The following SLC14A2 variants were observed in gnomAD, a reference collection of about 807,000 sequenced individuals.
The protein encoded by SLC14A2 is urea transporter 2.
A neutral mutation model predicts 104.6 loss-of-function variants in SLC14A2; 91 were observed. The ratio of observed to expected loss-of-function variants is 0.87; its 90% confidence interval spans 0.73 to 1.04. The LOEUF (loss-of-function observed/expected upper bound fraction) is 1.04. Among genes scored for constraint, SLC14A2 ranks in the 50% least tolerant of loss-of-function variants. The pLI, the probability that SLC14A2 is intolerant of heterozygous loss-of-function variation, is 0.00. For missense variants in SLC14A2, 1,189 were observed against 1,156.0 expected (o/e 1.03, Z -0.41); for synonymous variants, 476 against 466.4 (o/e 1.02, Z -0.27).
rs1245970500 is a variant in SLC14A2, at chr18:45,213,586, G to A, written c.-125+395G>A. 3.9e-5 allele frequency among the ~76,000 whole-genome samples: 6 copies of A among 152,290 alleles called. No homozygotes were observed. In the South Asian group the frequency reaches 6.2e-4, roughly 16 times the overall value. On this transcript the variant is annotated intron_variant, in intron 1 of 20. Coordinates refer to the SLC14A2 transcript ENST00000586448. ...TCTGTCTATATAGCTAATTAGTTTT[G>A]TAAGTTCTTTATCCCATTCAAAACG...
At position 45,678,973 on chromosome 18, in the gene SLC14A2, A is replaced by G; in HGVS notation, c.2513-2A>G. On this transcript the variant is annotated splice_acceptor_variant, in intron 18 of 19. Coordinates refer to ENST00000255226, the MANE Select transcript of SLC14A2 (RefSeq NM_007163.4). LOFTEE classifies it high-confidence loss of function. Reference sequence around the variant, plus strand: ...TTCTTTCTTTTTTTTTTTTTTTTCTAGCACTGTTTGCTGCCTACCTGGGTG... The same window carrying G: ...TTCTTTCTTTTTTTTTTTTTTTTCTGGCACTGTTTGCTGCCTACCTGGGTG... 1 of 1,339,120 alleles carries G rather than the reference A, an allele frequency of 7.5e-7. No homozygotes were observed. Among genetic ancestry groups the G allele is most frequent in the Non-Finnish European group, 9.8e-7 (1 of 1,021,554 alleles). 83.0% of individuals were successfully genotyped at this position (1,339,120 alleles called of 1,614,324 possible). A position where few individuals can be genotyped will look rare whatever the true frequency, so the allele number is the denominator to read the frequency against.
intron 1 of SLC14A2, among the ~76,000 whole-genome samples, chr18:45,298,954 T>TTG: frequency 6.6e-6 from 1 of 152,256 alleles, no homozygotes; most frequent in East Asian, 1.9e-4. Flanking sequence ...GACCCATTGG[T>TTG]TGAAAAGCCA....
At chr18:45,431,150 G>A (rs1392382947) in intron 1 of SLC14A2, among the ~76,000 whole-genome samples, 2 of 152,202 alleles carry the variant, frequency 1.3e-5, no homozygotes, top group Admixed American at 1.3e-4. Flanking sequence ...TAGGTAGAGG[G>A]AATAGTTCTC....
At chr18:45,293,272 A>G (rs74541806) in intron 1 of SLC14A2, among the ~76,000 whole-genome samples, 4,935 of 152,248 alleles carry the variant, frequency 0.032, 257 homozygotes, top group African/African-American at 0.11. Context: ...TATTTCATTC[A>G]TTCATTCATT....
At chr18:45,283,505 T>A (rs1178542442) in intron 1 of SLC14A2, among the ~76,000 whole-genome samples, 2 of 151,692 alleles carry the variant, frequency 1.3e-5, no homozygotes, top group Non-Finnish European at 1.5e-5. Context: ...AACTAATATA[T>A]CATCATCCAA....
chr18:45,269,294 A>G (rs2084626068), intron 1 of SLC14A2, among the ~76,000 whole-genome samples: 1 of 152,030 alleles, frequency 6.6e-6, no homozygotes, highest in Non-Finnish European at 1.5e-5. Flanking sequence ...TTTTAAAGTG[A>G]GTATATGCCA....
intron 2 of SLC14A2, among the ~76,000 whole-genome samples, chr18:45,510,216 A>G (rs906888457): frequency 1.3e-5 from 2 of 152,148 alleles, no homozygotes; most frequent in Non-Finnish European, 2.9e-5. Context: ...TTATTCTCAC[A>G]CTTAAATGTG....
chr18:45,598,694 TG>T (rs2044747277), intron 2 of SLC14A2, among the ~76,000 whole-genome samples: 1 of 152,076 alleles, frequency 6.6e-6, no homozygotes, highest in Non-Finnish European at 1.5e-5. Flanking sequence ...GGAAAAGAGG[TG>T]GGTCTGCATT....
intron 1 of SLC14A2, among the ~76,000 whole-genome samples, chr18:45,414,757 A>AAAAAAAAATATATATATATAT (rs1360051908): frequency 1.3e-5 from 1 of 76,110 alleles, no homozygotes; most frequent in Non-Finnish European, 2.2e-5. Flanking sequence ...AAAAAAAAAA[A>AAAAAAAAATATATATATATAT]ATATATATAT....
At chr18:45,438,514 A>C (rs1281640957) in intron 1 of SLC14A2, among the ~76,000 whole-genome samples, 1 of 151,872 alleles carries the variant, frequency 6.6e-6, no homozygotes, top group East Asian at 1.9e-4. Flanking sequence ...AAAGAGCAAA[A>C]GTGAGAGCAA....
At chr18:45,672,570 A>G (rs2046159221) in intron 16 of SLC14A2, among the ~76,000 whole-genome samples, 1 of 152,120 alleles carries the variant, frequency 6.6e-6, no homozygotes. Context: ...TTAAACCCCA[A>G]CTTTGATCAG....
chr18:45,391,334 A>T (rs2085960620), intron 1 of SLC14A2, among the ~76,000 whole-genome samples: 2 of 152,214 alleles, frequency 1.3e-5, no homozygotes, highest in Admixed American at 6.5e-5. Context: ...ATTGTTGGAC[A>T]TTTGGCTTAG....
intron 1 of SLC14A2, among the ~76,000 whole-genome samples, chr18:45,478,991 G>C (rs1438171139): frequency 6.6e-6 from 1 of 152,172 alleles, no homozygotes; most frequent in African/African-American, 2.4e-5. Flanking sequence ...TGTTGGTTCT[G>C]CCCTCTTTGG....
Position 45,227,316 on chromosome 18 carries a change from A to G in SLC14A2, c.-125+14125A>G, listed in dbSNP as rs1239287294. Among the ~76,000 whole-genome samples, 8 of 152,186 alleles carry G rather than the reference A, an allele frequency of 5.3e-5. No individual in the cohort carries two copies. In the East Asian group the frequency reaches 5.8e-4, roughly 11 times the overall value. On this transcript the variant is annotated intron_variant, in intron 1 of 20. Coordinates refer to the SLC14A2 transcript ENST00000586448. ...TGGTCAAAAAGAAGGACAAAATGCT[A>G]AAGGAGAAAGTTGCAAGAATGATGA...
chr18:45,248,173 G>A (rs58087098), intron 1 of SLC14A2, among the ~76,000 whole-genome samples: 6,173 of 152,152 alleles, frequency 0.041, 387 homozygotes, highest in African/African-American at 0.13. Flanking sequence ...GAAATGTAGG[G>A]AGGTGGCAAA....
upstream of SLC14A2, among the ~76,000 whole-genome samples, chr18:45,208,605 T>C (rs1379063136): frequency 2.0e-5 from 3 of 152,138 alleles, no homozygotes; most frequent in African/African-American, 7.2e-5. Flanking sequence ...AGAGTAAGCC[T>C]CGTTAGTTAA....
intron 1 of SLC14A2, among the ~76,000 whole-genome samples, chr18:45,319,827 T>C (rs2085167210): frequency 6.6e-6 from 1 of 152,206 alleles, no homozygotes; most frequent in Non-Finnish European, 1.5e-5. Context: ...CAGTAGGGTA[T>C]ATTATTGTTT....
intron 2 of SLC14A2, among the ~76,000 whole-genome samples, chr18:45,581,082 C>T (rs928191870): frequency 6.6e-6 from 1 of 152,142 alleles, no homozygotes; most frequent in African/African-American, 2.4e-5. Context: ...GCATTTCCTG[C>T]TTTCTCCATG....
chr18:45,292,568 G>A (rs2084880414), intron 1 of SLC14A2, among the ~76,000 whole-genome samples: 1 of 152,134 alleles, frequency 6.6e-6, no homozygotes, highest in Admixed American at 6.5e-5. Flanking sequence ...GGGTTGTGGG[G>A]GCAGTTGTAC....
Sources: allele counts gnomAD v4.1 joint callset (sites outside exome capture counted in the v4.1 genomes callset), GRCh38; gene constraint gnomAD v4.1.1; transcripts MANE v1.5; gene names NCBI Gene and HGNC (gene_info 2026-07-23, HGNC 2026-07-21).